The following NPAS2 variants were observed in gnomAD, a reference collection of about 807,000 sequenced individuals.
NPAS2 encodes neuronal PAS domain protein 2.
Under a neutral mutation model 107.5 loss-of-function variants are expected in NPAS2, and 23 were observed. That is an observed-to-expected ratio of 0.21 (90% CI 0.15 to 0.30). The LOEUF (loss-of-function observed/expected upper bound fraction) is 0.30, where lower values mean the gene tolerates loss of function less well. NPAS2 is among the 10% of genes least tolerant of loss of function. NPAS2 has a pLI of 1.00. For synonymous variants in NPAS2, 403 were observed against 417.5 expected (o/e 0.97, Z 0.42); for missense variants, 756 against 1,043.3 (o/e 0.72, Z 3.79).
At chr2:100,923,767 G>A (rs893090261) in intron 2 of NPAS2, among the ~76,000 whole-genome samples, 2 of 152,230 alleles carry the variant, frequency 1.3e-5, no homozygotes, top group African/African-American at 4.8e-5. Context: ...GAGTGAGCCA[G>A]CTTTCTCAGC....
rs1208784028 is a variant in NPAS2 at position 100,948,372 on chromosome 2, T to C, written c.484+17T>C. The C allele has an allele frequency of 1.9e-6, 3 of 1,585,552 alleles. No individual in the cohort carries two copies. Among genetic ancestry groups the C allele is most frequent in the Non-Finnish European group, 2.6e-6 (3 of 1,167,424 alleles). On this transcript the variant is annotated intron_variant, in intron 6 of 20. Coordinates refer to ENST00000335681, the MANE Select transcript of NPAS2 (RefSeq NM_002518.4). ...ACTTAAAATGTAAGTTTAATTTTTCTGGTTTTACAAGCTAGAAAGATAAGA... is the reference window on the plus strand; with the variant it reads ...ACTTAAAATGTAAGTTTAATTTTTCCGGTTTTACAAGCTAGAAAGATAAGA...
At chr2:100,825,442 A>G (rs1456109389) in intron 1 of NPAS2, among the ~76,000 whole-genome samples, 1 of 152,238 alleles carries the variant, frequency 6.6e-6, no homozygotes. Flanking sequence ...GCACATGGAT[A>G]TAATCTTGTA....
At chr2:100,891,125 G>A (rs1475898662) in intron 1 of NPAS2, among the ~76,000 whole-genome samples, 3 of 151,974 alleles carry the variant, frequency 2.0e-5, no homozygotes, top group East Asian at 1.9e-4. Flanking sequence ...CCAGCTACTC[G>A]GGAGGCTGAG....
chr2:100,838,981 G>C (rs1677232402), intron 1 of NPAS2, among the ~76,000 whole-genome samples: 1 of 152,050 alleles, frequency 6.6e-6, no homozygotes, highest in African/African-American at 2.4e-5. Flanking sequence ...AAAAGTTATA[G>C]TGAATGTGCC....
chr2:100,854,796 T>C (rs1005507802), intron 1 of NPAS2, among the ~76,000 whole-genome samples: 1 of 152,238 alleles, frequency 6.6e-6, no homozygotes, highest in Non-Finnish European at 1.5e-5. Flanking sequence ...CCAAACCTGC[T>C]GCTTCGTTTG....
chr2:100,974,920 C>T lies in NPAS2; in HGVS notation c.1258C>T (p.His420Tyr). 6.2e-7 allele frequency: 1 copy of T among 1,614,010 alleles called. No homozygotes were observed. The highest frequency in any genetic ancestry group is 8.5e-7 in the Non-Finnish European group (1 of 1,179,936). The part of the protein sequence containing the change: ...ASSRSSHKSS[H>Y]TAMSEPTSTP... ...CTCAAGAAGTTCCCACAAATCCTCG[C>T]ACACAGCCATGTCAGAACCCACCTG... Residue 420 changes from histidine to tyrosine, a missense_variant, in exon 13 of 21, where the codon CAC becomes TAC. By Grantham distance (83) the His-to-Tyr change is moderately conservative (BLOSUM62 2). Coordinates refer to ENST00000335681, the MANE Select transcript of NPAS2 (RefSeq NM_002518.4).
chr2:100,840,037 C>T (rs1025602405), intron 1 of NPAS2, among the ~76,000 whole-genome samples: 1 of 152,280 alleles, frequency 6.6e-6, no homozygotes, highest in East Asian at 1.9e-4. Context: ...TTTACATGAA[C>T]AGCAGATGTT....
At chr2:100,954,680 AG>A (rs67673657) in intron 7 of NPAS2, among the ~76,000 whole-genome samples, 28,434 of 79,500 alleles carry the variant, frequency 0.36, 3,101 homozygotes, top group African/African-American at 0.42. Context: ...AAAAAAAAAA[AG>A]AAAAAAAAGA....
At position 100,925,227 on chromosome 2, in the gene NPAS2, C is replaced by A. The variant is rs150306191; in HGVS notation, c.114C>A (p.Gly38=). The A allele has an allele frequency of 9.9e-6, 16 of 1,613,992 alleles. No individual in the cohort carries two copies. The African/African-American group carries it at 1.3e-4, about 13-fold the overall frequency. ...LIKELSSMLP[G]NTRKMDKTTV... ...AAGAGCTCAGTTCCATGCTCCCTGG[C>A]AACACGCGGAAAATGGACAAAACCA... Residue 38 remains glycine, a synonymous_variant, in exon 3 of 21, where the codon GGC becomes GGA. Coordinates refer to ENST00000335681, the MANE Select transcript of NPAS2 (RefSeq NM_002518.4).
chr2:100,836,062 C>A (rs536029247), intron 1 of NPAS2, among the ~76,000 whole-genome samples: 41 of 152,322 alleles, frequency 2.7e-4, no homozygotes, highest in African/African-American at 8.2e-4. Flanking sequence ...CCCACTCCCG[C>A]CACCAGCCTT....
rs534535410 is a variant in NPAS2, at chr2:100,982,469, C to T, written c.1629+92C>T. The T allele has an allele frequency of 4.2e-5, 60 of 1,436,414 alleles. 1 individual carries two copies. In the South Asian group the frequency reaches 7.6e-4, roughly 18 times the overall value. 89.0% of individuals were successfully genotyped at this position (1,436,414 alleles called of 1,614,324 possible). On this transcript the variant is annotated intron_variant, in intron 16 of 20. Coordinates refer to ENST00000335681, the MANE Select transcript of NPAS2 (RefSeq NM_002518.4). Reference sequence around the variant, plus strand: ...CGGGCAGCCAGGACTTCCTCCCAAGCCCTGTGAACTGCCCTGCCAAGCCCC... The same window carrying T: ...CGGGCAGCCAGGACTTCCTCCCAAGTCCTGTGAACTGCCCTGCCAAGCCCC...
At chr2:100,977,941 C>T (rs753699137) in intron 15 of NPAS2, 142 bp downstream of exon 15, 4 of 691,978 alleles carry the variant, frequency 5.8e-6, no homozygotes, top group South Asian at 1.8e-5. Flanking sequence ...TGGCCTGTGT[C>T]GAGCCATGAG....
chr2:100,978,850 A>G (rs1290764824), intron 15 of NPAS2, among the ~76,000 whole-genome samples: 1 of 152,208 alleles, frequency 6.6e-6, no homozygotes, highest in African/African-American at 2.4e-5. Context: ...GGAGGTTGCC[A>G]GATGGTTTGG....
At chr2:100,971,156 T>C (rs576390789) in intron 12 of NPAS2, 82 bp downstream of exon 12, 1 of 1,350,662 alleles carries the variant, frequency 7.4e-7, no homozygotes, top group East Asian at 2.3e-5. Context: ...AACAAGGGTT[T>C]CTTTTCATCA....
intron 1 of NPAS2, among the ~76,000 whole-genome samples, chr2:100,840,603 A>G (rs200869929): frequency 6.9e-6 from 1 of 145,584 alleles, no homozygotes; most frequent in African/African-American, 2.5e-5. Flanking sequence ...CACAGCCCCC[A>G]TTTTTTTTTT....
intron 7 of NPAS2, among the ~76,000 whole-genome samples, chr2:100,956,973 C>T (rs1397086492): frequency 6.6e-6 from 1 of 152,226 alleles, no homozygotes; most frequent in Non-Finnish European, 1.5e-5. Context: ...CCCCCCTCTC[C>T]TCTGCCCCCA....
chr2:100,927,110 A>G lies in NPAS2; in HGVS notation c.181+1816A>G, dbSNP rs542736755. Among the ~76,000 whole-genome samples, 925 of 151,256 alleles carry G rather than the reference A, an allele frequency of 6.1e-3. 5 individuals are homozygous for G. Among genetic ancestry groups the G allele is most frequent in the Middle Eastern group, 0.01 (3 of 292 alleles). ...CCACCACACCCGGCTAATTTTTTCTATTTTTAGTAGAGAAGGGGTTTCACC... is the reference window on the plus strand; with the variant it reads ...CCACCACACCCGGCTAATTTTTTCTGTTTTTAGTAGAGAAGGGGTTTCACC... On this transcript the variant is annotated intron_variant, in intron 3 of 20. Coordinates refer to ENST00000335681, the MANE Select transcript of NPAS2 (RefSeq NM_002518.4).
chr2:100,832,576 G>T (rs747094894), intron 1 of NPAS2, among the ~76,000 whole-genome samples: 4 of 152,166 alleles, frequency 2.6e-5, no homozygotes, highest in Non-Finnish European at 4.4e-5. Context: ...GGTGGGAGTT[G>T]TTGGTTAGCC....
chr2:100,971,566 T>C (rs1676565764), intron 12 of NPAS2, among the ~76,000 whole-genome samples: 2 of 152,168 alleles, frequency 1.3e-5, no homozygotes, highest in Non-Finnish European at 2.9e-5. Flanking sequence ...CTCACGCCAC[T>C]CTCCCTGTCA....
Sources: allele counts gnomAD v4.1 joint callset (sites outside exome capture counted in the v4.1 genomes callset), GRCh38; gene constraint gnomAD v4.1.1; transcripts MANE v1.5; gene names NCBI Gene and HGNC (gene_info 2026-07-23, HGNC 2026-07-21).